The following MCM3 variants were observed in gnomAD, a reference collection of about 807,000 sequenced individuals.
The protein encoded by MCM3 is DNA replication licensing factor MCM3.
MCM3 carries 59 observed loss-of-function variants against 91.3 expected under a neutral mutation model. The ratio of observed to expected loss-of-function variants is 0.65; its 90% CI spans 0.52 to 0.80. The LOEUF is 0.80. Among genes scored for constraint, MCM3 ranks in the 30% least tolerant of loss-of-function variants. MCM3 has a pLI of 0.00. For missense variants in MCM3, 919 were observed against 1,035.4 expected (o/e 0.89, Z 1.54); for synonymous variants, 383 against 379.6 (o/e 1.01, Z -0.10).
intron 1 of MCM3, among the ~76,000 whole-genome samples, chr6:52,284,122 CT>C (rs958268244): frequency 6.6e-6 from 1 of 152,178 alleles, no homozygotes; most frequent in Non-Finnish European, 1.5e-5. Flanking sequence ...ACACAAAACA[CT>C]TTTTATCTGC....
intron 10 of MCM3, 80 bp downstream of exon 10, chr6:52,273,662 A>AC: frequency 1.4e-6 from 2 of 1,432,298 alleles, no homozygotes; most frequent in Non-Finnish European, 1.9e-6. Context: ...AACACCTACC[A>AC]CCACCTGGGT....
intron 8 of MCM3, among the ~76,000 whole-genome samples, chr6:52,276,743 A>T (rs1049186487): frequency 4.6e-5 from 7 of 152,294 alleles, no homozygotes; most frequent in African/African-American, 1.7e-4. Context: ...TTCGGCCTCA[A>T]CCTCAAGTAA....
Position 52,279,487 on chromosome 6 carries a change from C to T in MCM3, c.644G>A (p.Arg215His), listed in dbSNP as rs377411679. The T allele has an allele frequency of 2.4e-5, 39 of 1,613,996 alleles. No individual in the cohort carries two copies. The highest frequency in any genetic ancestry group is 9.9e-5 in the South Asian group (9 of 91,080). Residue 215 changes from arginine (R) to histidine (H), a missense_variant, in exon 5 of 17, where the codon CGC becomes CAC. By Grantham distance (29) the Arg-to-His change is conservative. Around this residue, in one of 3 missense-constraint regions of MCM3, gnomAD observed 401 missense variants for 402.7 expected, o/e 1.00. Coordinates refer to ENST00000596288, the MANE Select transcript of MCM3 (RefSeq NM_002388.6). Reference protein sequence around the residue: ...PEKAPAGQLPRSVDVILDDDL... With the variant: ...PEKAPAGQLPHSVDVILDDDL... ...ATCATCCAGAATGACGTCCACAGAG[C>T]GGGGGAGCTGGCCGGCTGGGGCCTT...
chr6:52,279,044 C>CCA (rs1395704472), intron 5 of MCM3, among the ~76,000 whole-genome samples, 194 bp from the exon 6 acceptor site: 1 of 152,108 alleles, frequency 6.6e-6, no homozygotes, highest in African/African-American at 2.4e-5. Context: ...TGATCATGCC[C>CCA]CACCTCTGGA....
chr6:52,279,994 T>C (rs533657523), intron 4 of MCM3, among the ~76,000 whole-genome samples: 2 of 152,176 alleles, frequency 1.3e-5, no homozygotes, highest in East Asian at 1.9e-4. Flanking sequence ...AAAAATGCCA[T>C]CAATAGTGTA....
intron 2 of MCM3, 107 bp from the exon 3 acceptor site, chr6:52,282,968 G>A (rs1766260564): frequency 1.2e-6 from 1 of 807,804 alleles, no homozygotes; most frequent in Non-Finnish European, 2.0e-6. Flanking sequence ...AGAAAATCCA[G>A]CTTCTGCTTT....
intron 8 of MCM3, 30 bp downstream of exon 8, chr6:52,277,037 G>C: frequency 6.2e-7 from 1 of 1,602,318 alleles, no homozygotes; most frequent in Non-Finnish European, 8.5e-7. Flanking sequence ...CTCTCTGCTG[G>C]GCCTTTGCCA....
chr6:52,284,730 T>G lies in MCM3; in HGVS notation c.-56A>C. 1 of 1,562,254 alleles carries G rather than the reference T, an allele frequency of 6.4e-7. No homozygotes were observed. The highest frequency in any genetic ancestry group is 8.7e-7 in the Non-Finnish European group (1 of 1,155,678). On this transcript the variant is annotated 5_prime_UTR_variant, in exon 1 of 17. Transcript: ENST00000596288. ...GTCGCGTGGAGGTTCCCAGGATGAC[T>G]CCACCCCGGCGCGAAAACTTCCGAA...
chr6:52,268,034 T>C, intron 13 of MCM3, 66 bp from the exon 14 acceptor site: 1 of 1,610,998 alleles, frequency 6.2e-7, no homozygotes, highest in Non-Finnish European at 8.5e-7. Context: ...CATCAAGAAC[T>C]CCCAGTCCCT....
At chr6:52,273,646 C>T in intron 10 of MCM3, 96 bp downstream of exon 10, 1 of 1,301,836 alleles carries the variant, frequency 7.7e-7, no homozygotes, top group Non-Finnish European at 1.1e-6. Flanking sequence ...TCAACCCGGA[C>T]ACTGAAACAC....
At chr6:52,281,964 GAT>G in intron 4 of MCM3, 79 bp downstream of exon 4, 1 of 1,423,404 alleles carries the variant, frequency 7.0e-7, no homozygotes, top group South Asian at 1.4e-5. Context: ...AAAGACTTCA[GAT>G]ATTACACAAT....
chr6:52,284,113 C>A (rs1025028829), intron 1 of MCM3, among the ~76,000 whole-genome samples: 1 of 152,194 alleles, frequency 6.6e-6, no homozygotes, highest in Non-Finnish European at 1.5e-5. Flanking sequence ...TTGGCCTGCA[C>A]ACAAAACACT....
intron 16 of MCM3, chr6:52,265,170 G>T: frequency 3.0e-6 from 1 of 336,424 alleles, no homozygotes. Flanking sequence ...CTGTTTTACT[G>T]TAAACAGGGA....
In MCM3 at chr6:52,282,288, G is replaced by A. The variant is rs1397748241; in HGVS notation, c.401-113C>T. 9 of 920,958 alleles carry A rather than the reference G, an allele frequency of 9.8e-6. No homozygotes were observed. In the Admixed American group the frequency reaches 1.8e-4, roughly 18 times the overall value. 57.0% of individuals were successfully genotyped at this position (920,958 alleles called of 1,614,324 possible). On this transcript the variant is annotated intron_variant, in intron 3 of 16. Transcript: ENST00000596288. ...CCAAATACTGTGTTTTTTTGACTAG[G>A]TTACGATATTTCAATATTACCTTTT...
At chr6:52,269,033 C>T (rs1764872900) in intron 13 of MCM3, 53 bp downstream of exon 13, 1 of 1,557,450 alleles carries the variant, frequency 6.4e-7, no homozygotes, top group East Asian at 2.3e-5. Context: ...GAAGCCCATG[C>T]ATCTGTAATA....
Position 52,268,065 on chromosome 6 carries a change from G to A in MCM3, c.1969-97C>T, listed in dbSNP as rs1292321687. The A allele has an allele frequency of 7.7e-6, 12 of 1,557,720 alleles. No individual in the cohort carries two copies. The East Asian group carries it at 2.3e-4, about 29-fold the overall frequency. On this transcript the variant is annotated intron_variant, in intron 13 of 16. Coordinates refer to ENST00000596288, the MANE Select transcript of MCM3 (RefSeq NM_002388.6). ...TCCCTTCTGCATCATAAGCAGGAAA[G>A]ACTTCCATGTTTCCAATGGTTTACC...
At chr6:52,282,888 T>C in intron 2 of MCM3, 27 bp from the exon 3 acceptor site, 5 of 1,584,034 alleles carry the variant, frequency 3.2e-6, no homozygotes, top group Non-Finnish European at 4.3e-6. Flanking sequence ...GAAAGAAAAA[T>C]TAGACTGGGC....
At position 52,273,413 on chromosome 6, in the gene MCM3, T is replaced by C. The variant is rs542518804; in HGVS notation, c.1550-57A>G. 5.0e-4 allele frequency: 794 copies of C among 1,580,872 alleles called. 1 individual carries two copies. The highest frequency in any genetic ancestry group is 6.4e-4 in the Non-Finnish European group (734 of 1,153,698). On this transcript the variant is annotated intron_variant, in intron 10 of 16. Transcript: ENST00000596288. The stretch of plus-strand genomic sequence containing the variant: ...AATAAAGAGTTTAACCCAGGGGAAA[T>C]TGCTTCTTCTATAGCACAAGAAGGG...
At chr6:52,271,464 G>A (rs1765123238) in intron 12 of MCM3, among the ~76,000 whole-genome samples, 1 of 152,150 alleles carries the variant, frequency 6.6e-6, no homozygotes, top group South Asian at 2.1e-4. Flanking sequence ...CCAACATGGA[G>A]AAACCTGGTC....
Sources: gnomAD v4.1 joint callset for allele counts (sites outside exome capture counted in the v4.1 genomes callset) on GRCh38, gnomAD v4.1.1 for gene constraint, gnomAD v4.1.1 regional missense constraint, MANE v1.5 for transcripts, NCBI Gene and HGNC (gene_info 2026-07-23, HGNC 2026-07-21) for gene names.